The following LRRC66 variants were observed in gnomAD, a reference collection of about 807,000 sequenced individuals.
The protein encoded by LRRC66 is leucine-rich repeat-containing protein 66.
A neutral mutation model predicts 24.6 loss-of-function variants in LRRC66; 29 were observed. That is an observed-to-expected ratio of 1.18 (90% CI 0.88 to 1.61). LRRC66 has a LOEUF of 1.61. LRRC66 is among the 40% of genes most tolerant of loss of function. The pLI, the probability that LRRC66 is intolerant of heterozygous loss-of-function variation, is 0.00. For synonymous variants in LRRC66, 411 were observed against 397.6 expected (o/e 1.03, Z -0.40); for missense variants, 1,124 against 1,058.0 (o/e 1.06, Z -0.87).
chr4:52,006,041 A>G (rs1169533976), intron 2 of LRRC66, among the ~76,000 whole-genome samples: 1 of 152,252 alleles, frequency 6.6e-6, no homozygotes, highest in Non-Finnish European at 1.5e-5. Context: ...TGGCCTATAT[A>G]AGGATGTGAA....
At chr4:51,996,261 T>A in intron 4 of LRRC66, 96 bp from the exon 5 acceptor site, 1 of 1,273,762 alleles carries the variant, frequency 7.9e-7, no homozygotes, top group African/African-American at 1.5e-5. Context: ...AAATTCAATT[T>A]TTTTGAATTT....
intron 2 of LRRC66, among the ~76,000 whole-genome samples, chr4:52,007,384 C>G (rs1736613996): frequency 6.6e-6 from 1 of 151,924 alleles, no homozygotes; most frequent in Admixed American, 6.6e-5. Context: ...TAGAATCTCA[C>G]CATGTTGCCC....
Position 51,994,164 on chromosome 4 carries a change from C to T in LRRC66, c.*215G>A, listed in dbSNP as rs1736231115. ...TTTCACACTGAAGAGCAGGTTCATC[C>T]CCATAGGATGTTAACAAGTGTGTTT... is the stretch of plus-strand genomic sequence containing the variant. On this transcript the variant is annotated 3_prime_UTR_variant, in exon 5 of 5. Transcript: ENST00000682860. The T allele has an allele frequency of 1.9e-6, 1 of 513,708 alleles. No homozygotes were observed. The highest frequency in any genetic ancestry group is 3.6e-5 in the East Asian group (1 of 27,688). The allele number at this position is 513,708 out of a possible 1,614,324, so 31.8% of individuals were successfully genotyped here.
chr4:52,011,322 C>T (rs561145591), intron 2 of LRRC66, among the ~76,000 whole-genome samples: 2 of 152,206 alleles, frequency 1.3e-5, no homozygotes, highest in Non-Finnish European at 2.9e-5. Context: ...GCCAAAGGCT[C>T]TGCCTTCTTA....
intron 3 of LRRC66, among the ~76,000 whole-genome samples, chr4:51,999,880 G>A (rs890214221): frequency 6.6e-6 from 1 of 152,170 alleles, no homozygotes; most frequent in Non-Finnish European, 1.5e-5. Context: ...AATGGGATAA[G>A]ATTAGGAAAA....
In LRRC66 at chr4:51,994,384, T is replaced by G. The variant is rs754983890; in HGVS notation, c.2638A>C (p.Lys880Gln). The stretch of plus-strand genomic sequence containing the variant: ...ATTTCCTTAATGAAAGATTCTTATT[T>G]TAAAATGTCTGAGTCTCTTTCATGG... Reference protein sequence around the residue: ...AFHERDSDILK With the variant: ...AFHERDSDILQ The change falls in exon 5 of 5, where the codon AAA becomes CAA. Residue 880 changes from lysine to glutamine, a missense_variant. Lys to Gln is a moderately conservative substitution (Grantham distance 53). Transcript: ENST00000682860. 7 of 1,602,324 alleles carry G rather than the reference T, an allele frequency of 4.4e-6. No homozygotes were observed. In the Admixed American group the frequency reaches 1.2e-4, roughly 28 times the overall value.
intron 2 of LRRC66, among the ~76,000 whole-genome samples, chr4:52,016,701 T>A (rs994418316): frequency 6.6e-6 from 1 of 152,114 alleles, no homozygotes; most frequent in Non-Finnish European, 1.5e-5. Flanking sequence ...TGAGGCAAAA[T>A]GTACTCAAAG....
At chr4:52,018,351 A>G (rs558435504) in intron 1 of LRRC66, 2 of 984,780 alleles carry the variant, frequency 2.0e-6, no homozygotes, top group Non-Finnish European at 2.4e-6. Context: ...ACAAATTACA[A>G]TGGCTGAATG....
chr4:52,001,033 AAT>A (rs1397892209), intron 3 of LRRC66, among the ~76,000 whole-genome samples: 4 of 152,232 alleles, frequency 2.6e-5, no homozygotes, highest in African/African-American at 9.6e-5. Context: ...AGTATTTTAA[AAT>A]ATGTGTTAGG....
At chr4:52,006,772 G>T (rs920445287) in intron 2 of LRRC66, among the ~76,000 whole-genome samples, 1 of 148,804 alleles carries the variant, frequency 6.7e-6, no homozygotes, top group African/African-American at 2.5e-5. Context: ...AGTGACAGAA[G>T]AAATTATTTT....
chr4:51,995,702 G>T lies in LRRC66; in HGVS notation c.1320C>A (p.Thr440=). The change falls in exon 5 of 5, where the codon ACC becomes ACA. Residue 440 remains threonine, a synonymous_variant. Coordinates refer to ENST00000682860, the MANE Select transcript of LRRC66 (RefSeq NM_001024611.3). ...EAAGHTPHPE[T]HLRQVFPHLS... is the part of the protein sequence containing the mutation. ...GATGAGGAAATACTTGGCGCAGATGGGTCTCTGGGTGTGGTGTGTGCCCCG... is the reference window on the plus strand; with the variant it reads ...GATGAGGAAATACTTGGCGCAGATGTGTCTCTGGGTGTGGTGTGTGCCCCG... 6.2e-7 allele frequency: 1 copy of T among 1,614,106 alleles called. No homozygotes were observed. The highest frequency in any genetic ancestry group is 8.5e-7 in the Non-Finnish European group (1 of 1,180,018).
chr4:51,996,938 C>T (rs1431713044), intron 4 of LRRC66, among the ~76,000 whole-genome samples: 2 of 152,164 alleles, frequency 1.3e-5, no homozygotes, highest in Non-Finnish European at 2.9e-5. Flanking sequence ...TGCTCTCTAC[C>T]CTCAGAATGC....
chr4:51,995,088 G>A lies in LRRC66; in HGVS notation c.1934C>T (p.Ala645Val), dbSNP rs1273948916. ...GTAGTGGGCTGAAAGCGCTTCCTCA[G>A]CCCTTGCCCCGGACAGCCTTGGCTG... ...IQQPRLSGAR[A>V]EEALSAHYSE... is the part of the protein sequence containing the mutation. The change falls in exon 5 of 5, where the codon GCT becomes GTT. Residue 645 changes from alanine (A) to valine (V), a missense_variant. Physicochemically the swap from Ala to Val is moderately conservative, Grantham distance 64. Transcript: ENST00000682860. The A allele has an allele frequency of 6.2e-7, 1 of 1,614,084 alleles. No individual in the cohort carries two copies. Among genetic ancestry groups the A allele is most frequent in the Non-Finnish European group, 8.5e-7 (1 of 1,180,042 alleles).
chr4:52,000,189 ATT>A (rs1195904955), intron 3 of LRRC66, among the ~76,000 whole-genome samples: 1 of 152,220 alleles, frequency 6.6e-6, no homozygotes, highest in Non-Finnish European at 1.5e-5. Flanking sequence ...GTTACAGTGC[ATT>A]GAGAATTACA....
At chr4:52,010,891 G>T (rs563037602) in intron 2 of LRRC66, among the ~76,000 whole-genome samples, 1 of 152,026 alleles carries the variant, frequency 6.6e-6, no homozygotes, top group Non-Finnish European at 1.5e-5. Flanking sequence ...TATATACAAC[G>T]ACATGGATAA....
chr4:52,000,116 A>T (rs1736414806), intron 3 of LRRC66, among the ~76,000 whole-genome samples: 1 of 152,212 alleles, frequency 6.6e-6, no homozygotes, highest in Admixed American at 6.5e-5. Flanking sequence ...ACCAGTTTTT[A>T]GAGATATTGC....
In LRRC66 at chr4:52,018,854, A is replaced by T. The variant is rs979658814; in HGVS notation, c.-5-1236T>A. Among the ~76,000 whole-genome samples the T allele has an allele frequency of 2.6e-5, 4 of 152,288 alleles. 1 individual carries two copies. The stretch of plus-strand genomic sequence containing the variant: ...TGAAATTCACTTTCAGTTCATTCCC[A>T]GTTCCAAGTTCAATGCCTTTTCCTC... On this transcript the variant is annotated intron_variant, in intron 1 of 4. Transcript: ENST00000682860.
At chr4:52,008,490 G>A (rs552926004) in intron 2 of LRRC66, among the ~76,000 whole-genome samples, 1 of 151,162 alleles carries the variant, frequency 6.6e-6, no homozygotes, top group Non-Finnish European at 1.5e-5. Flanking sequence ...AAATTATAAA[G>A]GAAAATATTA....
rs78641870 is a variant in LRRC66 at position 51,996,206 on chromosome 4, G to T, written c.857-41C>A. The T allele has an allele frequency of 3.9e-3, 5,780 of 1,494,200 alleles. 185 individuals carry two copies. In the African/African-American group the frequency reaches 0.069, roughly 18 times the overall value. The allele number at this position is 1,494,200 out of a possible 1,614,324, so 92.6% of individuals were successfully genotyped here. A position where few individuals can be genotyped will look rare whatever the true frequency, so the allele number is the denominator to read the frequency against. On this transcript the variant is annotated intron_variant, in intron 4 of 4. Transcript: ENST00000682860. ...AAAAAATACACATTGAGCGAACATT[G>T]AAATAAGATTTCAGGGGTTTTTCTC...
Sources: gnomAD v4.1 joint callset for allele counts (sites outside exome capture counted in the v4.1 genomes callset) on GRCh38, gnomAD v4.1.1 for gene constraint, MANE v1.5 for transcripts, NCBI Gene and HGNC (gene_info 2026-07-23, HGNC 2026-07-21) for gene names.